The following ADA2 variants were observed in gnomAD, a reference collection of about 807,000 sequenced individuals.
The protein encoded by ADA2 is adenosine deaminase CECR1.
A neutral mutation model predicts 44.2 loss-of-function variants in ADA2; 29 were observed. The ratio of observed to expected loss-of-function variants is 0.66; its 90% CI spans 0.49 to 0.89. ADA2 has a LOEUF of 0.89. ADA2 is among the 40% of genes least tolerant of loss of function. The probability of loss-of-function intolerance (pLI) is 0.00; values close to 1 mark genes in which losing one functional copy is unlikely to be tolerated. For synonymous variants in ADA2, 215 were observed against 234.9 expected (o/e 0.92, Z 0.77); for missense variants, 637 against 644.8 (o/e 0.99, Z 0.13).
In ADA2 at chr22:17,209,484, G is replaced by A. The variant is rs61747288; in HGVS notation, c.194C>T (p.Thr65Met). The change falls in exon 2 of 10, where the codon ACG becomes ATG. Residue 65 changes from threonine to methionine, a missense_variant. Coordinates refer to ENST00000399837, the MANE Select transcript of ADA2 (RefSeq NM_001282225.2). ...KEELANERLMTLKIAEMKEAM... is the reference protein window; with the variant it reads ...KEELANERLMMLKIAEMKEAM... ...CTCCTTCATCTCAGCGATTTTGAGC[G>A]TCATGAGCCTCTCATTGGCCAGCTC... 663 of 1,613,938 alleles carry A rather than the reference G, an allele frequency of 4.1e-4. 8 individuals carry two copies. The highest frequency in any genetic ancestry group is 1.6e-4 in the Middle Eastern group (1 of 6,082).
chr22:17,199,430 C>CTCTATCCTCTTCCCCTCCCTCCCCTCA, intron 4 of ADA2: 1 of 1,019,374 alleles, frequency 9.8e-7, no homozygotes, highest in Non-Finnish European at 1.6e-6. Context: ...CCCTCCCCTC[C>CTCTATCCTCTTCCCCTCCCTCCCCTCA]TCTATCCTCT....
In ADA2 at chr22:17,209,517, G is replaced by A; in HGVS notation, c.161C>T (p.Thr54Ile). Residue 54 changes from threonine (T) to isoleucine (I), a missense_variant, in exon 2 of 10, where the codon ACC becomes ATC. By Grantham distance (89) the Thr-to-Ile change is moderately conservative. Coordinates refer to ENST00000399837, the MANE Select transcript of ADA2 (RefSeq NM_001282225.2). ...MRLGGRLVLNTKEELANERLM... is the reference protein window; with the variant it reads ...MRLGGRLVLNIKEELANERLM... ...CCTCTCATTGGCCAGCTCCTCCTTG[G>A]TGTTCAGCACCAGCCGCCCCCCCAG... is the stretch of plus-strand genomic sequence containing the variant. The A allele has an allele frequency of 6.2e-7, 1 of 1,614,006 alleles. No individual in the cohort carries two copies. Among genetic ancestry groups the A allele is most frequent in the Non-Finnish European group, 8.5e-7 (1 of 1,180,010 alleles).
In ADA2 at chr22:17,204,343, G is replaced by A. The variant is rs528359343; in HGVS notation, c.543-570C>T. Among the ~76,000 whole-genome samples the A allele has an allele frequency of 6.6e-5, 10 of 152,268 alleles. No individual in the cohort carries two copies. In the South Asian group the frequency reaches 8.3e-4, roughly 13 times the overall value. ...TCCTTGTAAGAAGAGGAGGCCAGGC[G>A]TGGTGGCTCACGCCTGTAATCCCAA... On this transcript the variant is annotated intron_variant, in intron 3 of 9. Coordinates refer to ENST00000399837, the MANE Select transcript of ADA2 (RefSeq NM_001282225.2).
At chr22:17,196,134 G>A (rs2062187899) in intron 4 of ADA2, among the ~76,000 whole-genome samples, 1 of 151,680 alleles carries the variant, frequency 6.6e-6, no homozygotes, top group African/African-American at 2.4e-5. Flanking sequence ...ATCACCTGAT[G>A]TCAGTTGACC....
At chr22:17,187,540 AT>A (rs2062049606) in intron 7 of ADA2, among the ~76,000 whole-genome samples, 1 of 151,890 alleles carries the variant, frequency 6.6e-6, no homozygotes, top group Non-Finnish European at 1.5e-5. Flanking sequence ...ATCCACCCAC[AT>A]CAGCCTCCAA....
intron 5 of ADA2, 97 bp downstream of exon 5, chr22:17,191,586 C>T: frequency 7.3e-7 from 1 of 1,364,154 alleles, no homozygotes. Flanking sequence ...CTCTCCCGGC[C>T]TCCCAGCCCC....
chr22:17,209,662 G>A lies in ADA2; in HGVS notation c.16C>T (p.Pro6Ser), dbSNP rs1334512961. Residue 6 changes from proline to serine, a missense_variant, in exon 2 of 10, where the codon CCA (proline) becomes TCA (serine). By Grantham distance (74) the Pro-to-Ser change is moderately conservative. Transcript: ENST00000399837. MLVDGPSERPALCFLL... is the reference protein window; with the variant it reads MLVDGSSERPALCFLL... Reference sequence around the variant, plus strand: ...AAGCACAGGGCTGGCCGCTCAGATGGGCCATCCACCAACATCGGGATGCCT... The same window carrying A: ...AAGCACAGGGCTGGCCGCTCAGATGAGCCATCCACCAACATCGGGATGCCT... 1 of 1,612,404 alleles carries A rather than the reference G, an allele frequency of 6.2e-7. No homozygotes were observed. The highest frequency in any genetic ancestry group is 2.2e-5 in the East Asian group (1 of 44,868).
chr22:17,200,870 G>A (rs1400749212), intron 4 of ADA2, among the ~76,000 whole-genome samples: 1 of 134,652 alleles, frequency 7.4e-6, no homozygotes. Context: ...CAACAAGAGC[G>A]AAACTCTGCC....
chr22:17,187,444 A>G (rs1601428783), intron 7 of ADA2, among the ~76,000 whole-genome samples: 1 of 152,034 alleles, frequency 6.6e-6, no homozygotes, highest in South Asian at 2.1e-4. Context: ...GTGTACCATC[A>G]TGCCTGGCTA....
At chr22:17,207,646 T>C (rs781274848) in intron 2 of ADA2, among the ~76,000 whole-genome samples, 9 of 151,118 alleles carry the variant, frequency 6.0e-5, no homozygotes, top group Non-Finnish European at 1.0e-4. Flanking sequence ...CATGGGAGAG[T>C]GAGAGGGCAT....
Position 17,181,413 on chromosome 22 carries a change from T to G in ADA2, c.*70A>C. 1 of 1,048,198 alleles carries G rather than the reference T, an allele frequency of 9.5e-7. No individual in the cohort carries two copies. Among genetic ancestry groups the G allele is most frequent in the Admixed American group, 1.7e-5 (1 of 59,132 alleles). 64.9% of individuals were successfully genotyped at this position (1,048,198 alleles called of 1,614,324 possible). On this transcript the variant is annotated 3_prime_UTR_variant, in exon 10 of 10. Transcript: ENST00000399837. ...GATTTCATGGGCACATGGAGCTGAT[T>G]CAAGAACGAGTGAGAGGAAGTGACA...
At chr22:17,194,032 A>AAG (rs2062158689) in intron 4 of ADA2, among the ~76,000 whole-genome samples, 1 of 151,582 alleles carries the variant, frequency 6.6e-6, no homozygotes, top group African/African-American at 2.4e-5. Flanking sequence ...AAAAAAAAAA[A>AAG]AAAGAAACAA....
At chr22:17,186,287 A>G (rs1419105052) in intron 7 of ADA2, among the ~76,000 whole-genome samples, 5 of 152,234 alleles carry the variant, frequency 3.3e-5, no homozygotes, top group Admixed American at 6.5e-5. Flanking sequence ...ATTCATACAC[A>G]TTATATACAG....
intron 1 of ADA2, among the ~76,000 whole-genome samples, chr22:17,219,007 A>G (rs1200066522): frequency 6.6e-6 from 1 of 152,152 alleles, no homozygotes; most frequent in Non-Finnish European, 1.5e-5. Flanking sequence ...AAATACAAAA[A>G]TTAGCCGGGC....
intron 1 of ADA2, among the ~76,000 whole-genome samples, chr22:17,218,445 CT>C (rs1423945706): frequency 1.3e-5 from 2 of 152,166 alleles, no homozygotes; most frequent in Non-Finnish European, 2.9e-5. Flanking sequence ...AAGTCCTTGA[CT>C]CTCTTTTTTG....
At chr22:17,194,986 G>T (rs2062172098) in intron 4 of ADA2, among the ~76,000 whole-genome samples, 1 of 151,830 alleles carries the variant, frequency 6.6e-6, no homozygotes, top group African/African-American at 2.4e-5. Flanking sequence ...ACAGAAAGTT[G>T]TTACCAAGAT....
chr22:17,188,539 T>G, intron 6 of ADA2, 92 bp from the exon 7 acceptor site: 1 of 777,406 alleles, frequency 1.3e-6, no homozygotes, highest in African/African-American at 1.7e-5. Flanking sequence ...CCCTTCCTTG[T>G]ACCCTGCCAC....
At chr22:17,199,525 G>C in intron 4 of ADA2, 4 of 1,581,274 alleles carry the variant, frequency 2.5e-6, no homozygotes, top group Non-Finnish European at 3.4e-6. Flanking sequence ...GTCAGGATTT[G>C]CCCAACAGGA....
intron 4 of ADA2, among the ~76,000 whole-genome samples, chr22:17,202,446 T>C (rs747179047): frequency 7.9e-5 from 12 of 152,042 alleles, no homozygotes; most frequent in Non-Finnish European, 1.6e-4. Flanking sequence ...TTTGTATTTT[T>C]AGTAGAGATG....
Sources: gnomAD v4.1 joint callset for allele counts (sites outside exome capture counted in the v4.1 genomes callset) on GRCh38, gnomAD v4.1.1 for gene constraint, MANE v1.5 for transcripts, NCBI Gene and HGNC (gene_info 2026-07-23, HGNC 2026-07-21) for gene names.